The following CAMK2D variants were observed in gnomAD, a reference collection of about 807,000 sequenced individuals.
CAMK2D encodes the protein calcium/calmodulin dependent protein kinase II delta.
CAMK2D carries 37 observed loss-of-function variants against 84.0 expected under a neutral mutation model. The observed-to-expected ratio is 0.44, with a 90% CI of 0.34 to 0.58. The LOEUF (loss-of-function observed/expected upper bound fraction) is 0.58, where lower values mean the gene tolerates loss of function less well. Among genes scored for constraint, CAMK2D ranks in the 20% least tolerant of loss-of-function variants. The pLI is 0.02. For synonymous variants in CAMK2D, 202 were observed against 212.5 expected (o/e 0.95, Z 0.43); for missense variants, 448 against 652.5 (o/e 0.69, Z 3.41).
intron 4 of CAMK2D, among the ~76,000 whole-genome samples, chr4:113,575,783 G>A (rs766906026): frequency 4.6e-5 from 7 of 152,082 alleles, no homozygotes; most frequent in Non-Finnish European, 8.8e-5. Flanking sequence ...CTGTTAAAAT[G>A]CATGAAAGCG....
Position 113,521,876 on chromosome 4 carries a change from A to T in CAMK2D, c.602-4219T>A, listed in dbSNP as rs933784036. On this transcript the variant is annotated intron_variant, in intron 8 of 20. Coordinates refer to ENST00000511664, the MANE Select transcript of CAMK2D (RefSeq NM_001321571.2). ...AAAGGGAGGAAATAGATGAAATAAG[A>T]TTAGCCATCAGTTTATTATAGTATT... Among the ~76,000 whole-genome samples the T allele has an allele frequency of 2.0e-5, 3 of 152,182 alleles. No individual in the cohort carries two copies. The East Asian group carries it at 5.8e-4, about 29-fold the overall frequency.
chr4:113,649,193 C>T (rs543399858), intron 3 of CAMK2D, among the ~76,000 whole-genome samples: 49 of 152,188 alleles, frequency 3.2e-4, no homozygotes, highest in Non-Finnish European at 6.2e-4. Context: ...ACATTCACTC[C>T]AGAGACTTTC....
At chr4:113,486,787 T>C (rs1407976359) in intron 16 of CAMK2D, among the ~76,000 whole-genome samples, 1 of 152,210 alleles carries the variant, frequency 6.6e-6, no homozygotes, top group Non-Finnish European at 1.5e-5. Flanking sequence ...AACACAACTA[T>C]TGTAGTTTAG....
At chr4:113,709,745 C>CTATATATATATATATATATATATATATA (rs1554070590) in intron 2 of CAMK2D, among the ~76,000 whole-genome samples, 1 of 24,638 alleles carries the variant, frequency 4.1e-5, no homozygotes, top group African/African-American at 2.5e-4. Flanking sequence ...AAGCCGTGAA[C>CTATATATATATATATATATATATATATA]GATATATATA....
intron 2 of CAMK2D, among the ~76,000 whole-genome samples, chr4:113,664,166 G>A (rs1045206131): frequency 1.3e-5 from 2 of 152,174 alleles, no homozygotes; most frequent in African/African-American, 4.8e-5. Flanking sequence ...CTCCAGAATT[G>A]TGAGAAAATA....
At chr4:113,686,666 C>T (rs894874752) in intron 2 of CAMK2D, among the ~76,000 whole-genome samples, 2 of 152,110 alleles carry the variant, frequency 1.3e-5, no homozygotes, top group African/African-American at 4.8e-5. Context: ...TGAGCCACAA[C>T]CCAAGCATCT....
At chr4:113,502,699 T>C (rs1290575471) in intron 15 of CAMK2D, among the ~76,000 whole-genome samples, 2 of 152,188 alleles carry the variant, frequency 1.3e-5, no homozygotes, top group Non-Finnish European at 2.9e-5. Flanking sequence ...ACTTCATTCA[T>C]GTTTAGCCTG....
At chr4:113,735,289 G>GAAAAAAAA (rs769117708) in intron 2 of CAMK2D, among the ~76,000 whole-genome samples, 3 of 44,764 alleles carry the variant, frequency 6.7e-5, no homozygotes, top group African/African-American at 2.3e-4. Flanking sequence ...ATCTCTACAG[G>GAAAAAAAA]AAAAAAAAAA....
At chr4:113,507,146 TATA>T (rs1325742424) in intron 13 of CAMK2D, among the ~76,000 whole-genome samples, 1 of 152,214 alleles carries the variant, frequency 6.6e-6, no homozygotes, top group Non-Finnish European at 1.5e-5. Flanking sequence ...TGCAGTTATT[TATA>T]ATATTAATTT....
At chr4:113,620,531 CAG>C (rs1428979109) in intron 3 of CAMK2D, among the ~76,000 whole-genome samples, 2 of 147,026 alleles carry the variant, frequency 1.4e-5, no homozygotes, top group East Asian at 2.0e-4. Context: ...TTTTTTGAGA[CAG>C]AGTCTCACTC....
rs191079607 is a variant in CAMK2D, at chr4:113,637,807, C to T, written c.220+23906G>A. Among the ~76,000 whole-genome samples the T allele has an allele frequency of 5.9e-5, 9 of 152,088 alleles. No individual in the cohort carries two copies. The East Asian group carries it at 1.7e-3, about 29-fold the overall frequency. ...CCATAGGTTGGTTCCCAGGCCTCTA[C>T]CATGCAGAGATAGGCTGCCTGGACA... On this transcript the variant is annotated intron_variant, in intron 3 of 20. Transcript: ENST00000511664.
At chr4:113,516,984 A>T (rs1370076940) in intron 9 of CAMK2D, among the ~76,000 whole-genome samples, 1 of 151,680 alleles carries the variant, frequency 6.6e-6, no homozygotes, top group Admixed American at 6.6e-5. Context: ...TTATGAATGT[A>T]TATATATATA....
chr4:113,761,393 AG>A lies in CAMK2D; in HGVS notation c.-326del, dbSNP rs1412069680. On this transcript the variant is annotated 5_prime_UTR_variant, in exon 1 of 21. Coordinates refer to ENST00000511664, the MANE Select transcript of CAMK2D (RefSeq NM_001321571.2). ...TGCAGGGGGTAAAGTACTCAAGAAG[AG>A]GGGGCCGGGAAATGGAAAAACAGCC... 1.3e-5 allele frequency: 16 copies of A among 1,255,182 alleles called. No individual in the cohort carries two copies. The highest frequency in any genetic ancestry group is 1.6e-5 in the Non-Finnish European group (16 of 989,338). 77.8% of individuals were successfully genotyped at this position (1,255,182 alleles called of 1,614,324 possible).
intron 4 of CAMK2D, among the ~76,000 whole-genome samples, chr4:113,580,077 CA>C (rs1476458041): frequency 6.6e-6 from 1 of 152,198 alleles, no homozygotes; most frequent in Non-Finnish European, 1.5e-5. Flanking sequence ...GATACTATCT[CA>C]TTTTTTCTAA....
intron 7 of CAMK2D, among the ~76,000 whole-genome samples, chr4:113,535,805 T>C (rs2098485694): frequency 1.3e-5 from 2 of 152,196 alleles, no homozygotes; most frequent in Non-Finnish European, 1.5e-5. Flanking sequence ...CAGGTTTTTG[T>C]ACTTCCTGTC....
intron 4 of CAMK2D, among the ~76,000 whole-genome samples, chr4:113,565,715 G>C (rs2098720601): frequency 6.7e-6 from 1 of 149,778 alleles, no homozygotes; most frequent in African/African-American, 2.5e-5. Flanking sequence ...TGCAAGATAA[G>C]ATGCCATAGA....
At chr4:113,610,771 C>A (rs545162256) in intron 3 of CAMK2D, among the ~76,000 whole-genome samples, 1 of 151,120 alleles carries the variant, frequency 6.6e-6, no homozygotes, top group Non-Finnish European at 1.5e-5. Flanking sequence ...TGCCCTGCCA[C>A]GCTTATCTTA....
Position 113,452,911 on chromosome 4 carries a change from GATGATTAGTA to G in CAMK2D, c.*1624_*1633del, listed in dbSNP as rs563372975. The G allele has an allele frequency of 3.3e-3, 501 of 152,626 alleles. 2 individuals carry two copies. The highest frequency in any genetic ancestry group is 0.011 in the African/African-American group (461 of 41,530). 9.5% of individuals were successfully genotyped at this position (152,626 alleles called of 1,614,324 possible). On this transcript the variant is annotated 3_prime_UTR_variant, in exon 21 of 21. Coordinates refer to ENST00000511664, the MANE Select transcript of CAMK2D (RefSeq NM_001321571.2). The stretch of plus-strand genomic sequence containing the variant: ...TACATCCACTAGCAATAATATCTAA[GATGATTAGTA>G]ATCAACACAGAGAGGTGAGATGAGA...
At chr4:113,475,340 A>T (rs906374335) in intron 16 of CAMK2D, among the ~76,000 whole-genome samples, 3 of 151,932 alleles carry the variant, frequency 2.0e-5, no homozygotes, top group Non-Finnish European at 4.4e-5. Context: ...AATAACTAAC[A>T]AACAAACAAA....
Sources: allele counts gnomAD v4.1 joint callset (sites outside exome capture counted in the v4.1 genomes callset), GRCh38; gene constraint gnomAD v4.1.1; transcripts MANE v1.5; gene names NCBI Gene and HGNC (gene_info 2026-07-23, HGNC 2026-07-21).